CXADR: variants seen among roughly 807,000 people sequenced by gnomAD.
CXADR encodes the protein coxsackievirus and adenovirus receptor.
In CXADR, 20 loss-of-function variants were observed where a neutral mutation model predicts 40.3. That is an observed-to-expected ratio of 0.50 (90% CI 0.35 to 0.72). The LOEUF is 0.72. CXADR is among the 30% of genes least tolerant of loss of function. The pLI is 0.01. For synonymous variants in CXADR, 150 were observed against 161.3 expected (o/e 0.93, Z 0.53); for missense variants, 332 against 449.1 (o/e 0.74, Z 2.36).
intron 1 of CXADR, among the ~76,000 whole-genome samples, chr21:17,527,682 CCTTAACTG>C (rs1346658368): frequency 6.6e-6 from 1 of 152,180 alleles, no homozygotes; most frequent in Non-Finnish European, 1.5e-5. Context: ...TCCTTCCATG[CCTTAACTG>C]GCATCTCTAA....
At chr21:17,563,418 G>A (rs928413531) in intron 6 of CXADR, among the ~76,000 whole-genome samples, 5 of 151,808 alleles carry the variant, frequency 3.3e-5, no homozygotes, top group African/African-American at 1.2e-4. Context: ...TGAGGGAGGG[G>A]TGAGAGATGG....
chr21:17,560,970 A>G, intron 5 of CXADR, 146 bp downstream of exon 5: 1 of 1,312,154 alleles, frequency 7.6e-7, no homozygotes, highest in Non-Finnish European at 1.0e-6. Flanking sequence ...TTTCTAGAAA[A>G]ATACATTTTA....
At chr21:17,619,110 T>A in the CXADR span, among the ~76,000 whole-genome samples, 1 of 152,182 alleles carries the variant, frequency 6.6e-6, no homozygotes, top group African/African-American at 2.4e-5. Flanking sequence ...GTTGTTTTAT[T>A]TCTAGAACAT....
the CXADR span, among the ~76,000 whole-genome samples, chr21:17,600,695 A>G: frequency 2.0e-5 from 3 of 152,140 alleles, no homozygotes; most frequent in African/African-American, 7.2e-5. Context: ...TTAAAAAAAC[A>G]GAAAAGAAAA....
chr21:17,545,772 G>GTT (rs71189545), intron 1 of CXADR, among the ~76,000 whole-genome samples: 5 of 127,080 alleles, frequency 3.9e-5, no homozygotes, highest in East Asian at 2.5e-4. Context: ...CAACTATTTG[G>GTT]TTTTTTTTGT....
chr21:17,543,391 T>C (rs1424291435), intron 1 of CXADR, among the ~76,000 whole-genome samples: 5 of 152,176 alleles, frequency 3.3e-5, no homozygotes, highest in Non-Finnish European at 1.5e-5. Context: ...AGAACATGAA[T>C]TTGGGGGATT....
At chr21:17,559,450 G>C (rs1018009953) in intron 4 of CXADR, among the ~76,000 whole-genome samples, 1 of 151,356 alleles carries the variant, frequency 6.6e-6, no homozygotes, top group Non-Finnish European at 1.5e-5. Context: ...CTCCCAAAGT[G>C]CTGGGATTAC....
In CXADR at chr21:17,551,758, T is replaced by C; in HGVS notation, c.220T>C (p.Tyr74His). The C allele has an allele frequency of 1.2e-6, 2 of 1,610,306 alleles. No homozygotes were observed. Among genetic ancestry groups the C allele is most frequent in the Non-Finnish European group, 1.7e-6 (2 of 1,177,642 alleles). The change falls in exon 3 of 7, where the codon TAT (tyrosine) becomes CAT (histidine). Residue 74 changes from tyrosine to histidine, a missense_variant. This residue lies in a region of CXADR where 162 missense variants were observed against 198.5 expected (regional missense o/e 0.82). Transcript: ENST00000284878. ...TTTGGCTTTCTTTTAGATTATTTTA[T>C]ATTCTGGAGACAAAATTTATGATGA... ...NQKVDQVIIL[Y>H]SGDKIYDDYY... is the part of the protein sequence containing the mutation.
chr21:17,566,052 C>T lies in CXADR; in HGVS notation c.*360C>T. On this transcript the variant is annotated 3_prime_UTR_variant, in exon 7 of 7. Coordinates refer to ENST00000284878, the MANE Select transcript of CXADR (RefSeq NM_001338.5). ...ACCAAGTTGATACTTGAATAACCATCTGAAAGTGGTACTTGATCATTTTTA... is the reference window on the plus strand; with the variant it reads ...ACCAAGTTGATACTTGAATAACCATTTGAAAGTGGTACTTGATCATTTTTA... 2 of 995,622 alleles carry T rather than the reference C, an allele frequency of 2.0e-6. No individual in the cohort carries two copies. The highest frequency in any genetic ancestry group is 2.4e-6 in the Non-Finnish European group (2 of 836,760). The allele number at this position is 995,622 out of a possible 1,614,324, so 61.7% of individuals were successfully genotyped here.
the CXADR span, among the ~76,000 whole-genome samples, chr21:17,635,774 T>C: frequency 6.6e-6 from 1 of 152,224 alleles, no homozygotes; most frequent in African/African-American, 2.4e-5. Flanking sequence ...CTGTTCTAGA[T>C]CTTCTGCACT....
chr21:17,589,989 A>G (rs1200817914), intron 7 of CXADR, among the ~76,000 whole-genome samples: 3 of 152,118 alleles, frequency 2.0e-5, no homozygotes, highest in Non-Finnish European at 4.4e-5. Context: ...TAACACTAAT[A>G]TTATACACAG....
intron 1 of CXADR, among the ~76,000 whole-genome samples, chr21:17,528,482 C>T (rs1244828663): frequency 1.1e-4 from 17 of 150,798 alleles, no homozygotes; most frequent in African/African-American, 3.9e-4. Context: ...CTCGGCTCAC[C>T]GTAACCTCCA....
chr21:17,573,457 A>G (rs972554589), downstream of CXADR, among the ~76,000 whole-genome samples: 3 of 152,178 alleles, frequency 2.0e-5, no homozygotes, highest in African/African-American at 7.2e-5. Context: ...TTAACTTTCA[A>G]TGGCATAATA....
chr21:17,630,589 T>C, the CXADR span, among the ~76,000 whole-genome samples: 43 of 151,742 alleles, frequency 2.8e-4, no homozygotes, highest in African/African-American at 8.9e-4. Flanking sequence ...AAAGTCCACA[T>C]ATTTAAATGT....
At chr21:17,612,503 C>G in the CXADR span, 1 of 149,836 alleles carries the variant, frequency 6.7e-6, no homozygotes, top group Non-Finnish European at 1.5e-5. Context: ...CCTCGCGGGC[C>G]GCCCTCGCGG....
In CXADR at chr21:17,560,814, C is replaced by T. The variant is rs748471522; in HGVS notation, c.684C>T (p.Asn228=). 11 of 1,613,268 alleles carry T rather than the reference C, an allele frequency of 6.8e-6. No individual in the cohort carries two copies. The highest frequency in any genetic ancestry group is 2.7e-5 in the African/African-American group (2 of 74,894). Residue 228 remains asparagine, a synonymous_variant, in exon 5 of 7, where the codon AAC becomes AAT. Transcript: ENST00000284878. ...CTGATCAGTGCCTGTTGCGTCTAAA[C>T]GTTGTCCCTCGTAAGTTATCTTCTT... The part of the protein sequence containing the change: ...VGSDQCLLRL[N]VVPPSNKAGL...
At position 17,569,983 on chromosome 21, in the gene CXADR, G is replaced by A. The variant is rs965113180; in HGVS notation, c.*4291G>A. Reference sequence around the variant, plus strand: ...TTCAGATTTTGTATGTACGATTTCTGGCTTATATATCCAATGGTGCAGATT... The same window carrying A: ...TTCAGATTTTGTATGTACGATTTCTAGCTTATATATCCAATGGTGCAGATT... On this transcript the variant is annotated 3_prime_UTR_variant, in exon 7 of 7. Coordinates refer to ENST00000284878, the MANE Select transcript of CXADR (RefSeq NM_001338.5). 1 of 985,308 alleles carries A rather than the reference G, an allele frequency of 1.0e-6. No individual in the cohort carries two copies. The highest frequency in any genetic ancestry group is 1.2e-6 in the Non-Finnish European group (1 of 829,892). The allele number at this position is 985,308 out of a possible 1,614,324, so 61.0% of individuals were successfully genotyped here.
At chr21:17,573,968 T>C (rs1006903430), downstream of CXADR, among the ~76,000 whole-genome samples, 1 of 152,218 alleles carries the variant, frequency 6.6e-6, no homozygotes, top group Non-Finnish European at 1.5e-5. Context: ...AAGATAAAAC[T>C]AGTTTTTGAG....
At chr21:17,560,095 G>A (rs1279530971) in intron 4 of CXADR, among the ~76,000 whole-genome samples, 1 of 152,064 alleles carries the variant, frequency 6.6e-6, no homozygotes, top group Non-Finnish European at 1.5e-5. Context: ...CCCATGGTGT[G>A]TCTGTAAATT....
Sources: allele counts gnomAD v4.1 joint callset (sites outside exome capture counted in the v4.1 genomes callset), GRCh38; gene constraint gnomAD v4.1.1; regional missense constraint gnomAD v4.1.1; transcripts MANE v1.5; gene names NCBI Gene and HGNC (gene_info 2026-07-23, HGNC 2026-07-21).